The following RAB17 variants were observed in gnomAD, a reference collection of about 807,000 sequenced individuals.
The protein encoded by RAB17 is RAB17, member RAS oncogene family.
RAB17 carries 15 observed loss-of-function variants against 19.3 expected under a neutral mutation model. The ratio of observed to expected loss-of-function variants is 0.78; its 90% CI spans 0.52 to 1.20. The LOEUF (loss-of-function observed/expected upper bound fraction) is 1.20. Ranked by LOEUF, RAB17 falls within the 50% of genes most tolerant of loss-of-function variation. The pLI is 0.00. For missense variants in RAB17, 262 were observed against 269.3 expected (o/e 0.97, Z 0.19); for synonymous variants, 110 against 112.8 (o/e 0.97, Z 0.16).
chr2:237,586,143 T>C lies in RAB17; in HGVS notation c.12A>G (p.Ala4=). 2 of 1,599,534 alleles carry C rather than the reference T, an allele frequency of 1.3e-6. No homozygotes were observed. The highest frequency in any genetic ancestry group is 4.5e-5 in the East Asian group (2 of 44,282). Residue 4 remains alanine (A), a synonymous_variant, in exon 2 of 6, where the codon GCA becomes GCG. Transcript: ENST00000264601. MAQ[A]HRTPQPRAAP... is the part of the protein sequence containing the mutation. ...CAGCCCTGGGCTGGGGGGTCCTGTG[T>C]GCCTGTGCCATGCCCTGCAAAGAAT...
At chr2:237,588,213 C>T (rs1043119896) in intron 1 of RAB17, among the ~76,000 whole-genome samples, 1 of 144,110 alleles carries the variant, frequency 6.9e-6, no homozygotes, top group Non-Finnish European at 1.5e-5. Flanking sequence ...CCACGCCCAG[C>T]ACAGATTAAC....
In RAB17 at chr2:237,580,756, G is replaced by T. The variant is rs760481071; in HGVS notation, c.158-2601C>A. The stretch of plus-strand genomic sequence containing the variant: ...GTGAGACTCTGCCTCAAAAAAAGAA[G>T]GGGGGGGAGGAGGGGAGGGAAAATG... On this transcript the variant is annotated intron_variant, in intron 2 of 5. Transcript: ENST00000264601. Among the ~76,000 whole-genome samples the T allele has an allele frequency of 4.5e-4, 68 of 151,264 alleles. 1 individual carries two copies. Among genetic ancestry groups the T allele is most frequent in the South Asian group, 2.1e-4 (1 of 4,782 alleles).
Position 237,588,881 on chromosome 2 carries a change from G to A in RAB17, c.-4+1586C>T, listed in dbSNP as rs535872180. Among the ~76,000 whole-genome samples, 6 of 152,314 alleles carry A rather than the reference G, an allele frequency of 3.9e-5. No homozygotes were observed. The East Asian group carries it at 1.2e-3, about 29-fold the overall frequency. ...AATGCACCATGACCACTGGGATGCCGGCGTCTCATTCCTTTGACAATGATA... is the reference window on the plus strand; with the variant it reads ...AATGCACCATGACCACTGGGATGCCAGCGTCTCATTCCTTTGACAATGATA... On this transcript the variant is annotated intron_variant, in intron 1 of 5. Coordinates refer to ENST00000264601, the MANE Select transcript of RAB17 (RefSeq NM_022449.4).
At chr2:237,578,181 T>C in intron 2 of RAB17, 26 bp from the exon 3 acceptor site, 1 of 1,588,936 alleles carries the variant, frequency 6.3e-7, no homozygotes. Flanking sequence ...CCAGAGGGCT[T>C]ACTCAGAGGA....
chr2:237,586,213 A>C lies in RAB17; in HGVS notation c.-3-56T>G, dbSNP rs536574881. 9.1e-5 allele frequency: 138 copies of C among 1,515,662 alleles called. No individual in the cohort carries two copies. The African/African-American group carries it at 1.4e-3, about 15-fold the overall frequency. The allele number at this position is 1,515,662 out of a possible 1,614,324, so 93.9% of individuals were successfully genotyped here. On this transcript the variant is annotated intron_variant, in intron 1 of 5. Coordinates refer to ENST00000264601, the MANE Select transcript of RAB17 (RefSeq NM_022449.4). ...TGGAACATCGGAGCCACATCATCTC[A>C]GCAAGCTCAACCCCGGGGCTGCTTC...
rs759516551 is a variant in RAB17 at position 237,586,075 on chromosome 2, C to G, written c.80G>C (p.Ser27Thr). The change falls in exon 2 of 6, where the codon AGT (serine) becomes ACT (threonine). Residue 27 changes from serine (S) to threonine (T), a missense_variant. Physicochemically the swap from Ser to Thr is moderately conservative, Grantham distance 58 (BLOSUM62 1). Transcript: ENST00000264601. ...PRVFKLVLLG[S>T]GSVGKSSLAL... The stretch of plus-strand genomic sequence containing the variant: ...CAAGCTGGACTTACCCACGGAGCCA[C>G]TTCCCAGGAGAACCAGCTTGAACAC... The G allele has an allele frequency of 6.2e-7, 1 of 1,613,742 alleles. No homozygotes were observed. Among genetic ancestry groups the G allele is most frequent in the Admixed American group, 1.7e-5 (1 of 59,988 alleles).
intron 1 of RAB17, 100 bp downstream of exon 1, chr2:237,590,367 A>G (rs1000831868): frequency 1.3e-5 from 2 of 152,408 alleles, no homozygotes; most frequent in Admixed American, 1.3e-4. Flanking sequence ...ACGTGAGCAC[A>G]CACACAGACA....
chr2:237,583,508 T>C (rs2081323696), intron 2 of RAB17, among the ~76,000 whole-genome samples: 1 of 152,162 alleles, frequency 6.6e-6, no homozygotes, highest in African/African-American at 2.4e-5. Context: ...CTTCCACATT[T>C]CTAACCCCGC....
chr2:237,585,386 A>T (rs1458814132), intron 2 of RAB17: 1 of 169,230 alleles, frequency 5.9e-6, no homozygotes, highest in Non-Finnish European at 1.5e-5. Flanking sequence ...CCACAGCAGG[A>T]TGGGAAGGAG....
At chr2:237,584,348 T>C (rs2081332091) in intron 2 of RAB17, among the ~76,000 whole-genome samples, 1 of 152,106 alleles carries the variant, frequency 6.6e-6, no homozygotes, top group African/African-American at 2.4e-5. Context: ...TGAGTGCCTT[T>C]GGGCGCTGGC....
Position 237,574,800 on chromosome 2 carries a change from G to T in RAB17, c.*219C>A. On this transcript the variant is annotated 3_prime_UTR_variant, in exon 6 of 6. Transcript: ENST00000264601. ...TCGGGGAATCAGATGGTATCAGTGG[G>T]GATAGGGCACAGCACTTTCCTGGGA... 1.0e-6 allele frequency: 1 copy of T among 963,382 alleles called. No homozygotes were observed. 59.7% of individuals were successfully genotyped at this position (963,382 alleles called of 1,614,324 possible). A position where few individuals can be genotyped will look rare whatever the true frequency, so the allele number is the denominator to read the frequency against.
At chr2:237,578,357 G>A (rs896270550) in intron 2 of RAB17, 2 of 543,092 alleles carry the variant, frequency 3.7e-6, no homozygotes, top group African/African-American at 1.9e-5. Context: ...AGTGTTGGGA[G>A]TGATTGCTAT....
intron 3 of RAB17, chr2:237,577,666 G>A (rs74346400): frequency 0.077 from 36,477 of 471,818 alleles, 1,831 homozygotes; most frequent in South Asian, 0.11. Flanking sequence ...GTCAGGCCTC[G>A]AGCTCCTGAA....
intron 2 of RAB17, among the ~76,000 whole-genome samples, chr2:237,584,344 C>G (rs1003886040): frequency 6.6e-6 from 1 of 152,066 alleles, no homozygotes; most frequent in African/African-American, 2.4e-5. Context: ...CTAGTGAGTG[C>G]CTTTGGGCGC....
intron 5 of RAB17, 27 bp from the exon 6 acceptor site, chr2:237,575,155 G>C (rs768309703): frequency 2.0e-5 from 31 of 1,588,284 alleles, no homozygotes; most frequent in Non-Finnish European, 2.3e-5. Flanking sequence ...GAGGGGGCTG[G>C]CTAGGGAGGG....
At chr2:237,579,539 CTG>C (rs1354699009) in intron 2 of RAB17, 1 of 152,288 alleles carries the variant, frequency 6.6e-6, no homozygotes, top group Non-Finnish European at 1.5e-5. Flanking sequence ...CCCTCTGTGG[CTG>C]TGTCCTCTCC....
Position 237,578,082 on chromosome 2 carries a change from C to A in RAB17, c.231G>T (p.Gln77His). 2 of 1,613,976 alleles carry A rather than the reference C, an allele frequency of 1.2e-6. No individual in the cohort carries two copies. The highest frequency in any genetic ancestry group is 2.2e-5 in the South Asian group (2 of 91,076). The change falls in exon 3 of 6, where the codon CAG (glutamine) becomes CAT (histidine). Residue 77 changes from glutamine (Q) to histidine (H), a missense_variant. Gln to His is a conservative substitution (Grantham distance 24). Transcript: ENST00000264601. Reference protein sequence around the residue: ...LKLEIWDTAGQEKYHSVCHLY... With the variant: ...LKLEIWDTAGHEKYHSVCHLY... ...GGTGGCAGACGCTGTGGTACTTCTCCTGGCCAGCTGTGTCCCAGATCTCAA... is the reference window on the plus strand; with the variant it reads ...GGTGGCAGACGCTGTGGTACTTCTCATGGCCAGCTGTGTCCCAGATCTCAA...
intron 2 of RAB17, among the ~76,000 whole-genome samples, chr2:237,584,492 G>A (rs1432628900): frequency 1.3e-5 from 2 of 151,680 alleles, no homozygotes; most frequent in African/African-American, 2.4e-5. Flanking sequence ...AGTGAATAGA[G>A]GAGGAGGAAC....
At position 237,587,842 on chromosome 2, in the gene RAB17, A is replaced by G. The variant is rs549615973; in HGVS notation, c.-3-1685T>C. ...TCCATCTGTGTTTCTTAAAAAAAAA[A>G]AAAAGAAAAGAAAAAGAAAGAAAAA... On this transcript the variant is annotated intron_variant, in intron 1 of 5. Coordinates refer to ENST00000264601, the MANE Select transcript of RAB17 (RefSeq NM_022449.4). Among the ~76,000 whole-genome samples the G allele has an allele frequency of 8.2e-3, 1,120 of 136,548 alleles. 15 individuals are homozygous for G. The highest frequency in any genetic ancestry group is 0.033 in the African/African-American group (1,000 of 30,360). The allele number at this position is 136,548 out of a possible 152,430, so 89.6% of individuals were successfully genotyped here.
Sources: gnomAD v4.1 joint callset for allele counts (sites outside exome capture counted in the v4.1 genomes callset) on GRCh38, gnomAD v4.1.1 for gene constraint, MANE v1.5 for transcripts, NCBI Gene and HGNC (gene_info 2026-07-23, HGNC 2026-07-21) for gene names.